The following TAFA2 variants were observed in gnomAD, a reference collection of about 807,000 sequenced individuals.
TAFA2 encodes TAFA chemokine like family member 2.
Under a neutral mutation model 18.8 loss-of-function variants are expected in TAFA2, and 7 were observed. That is an observed-to-expected ratio of 0.37 (90% confidence interval 0.21 to 0.70). The LOEUF (loss-of-function observed/expected upper bound fraction) is 0.70, where lower values mean the gene tolerates loss of function less well. TAFA2 is among the 30% of genes least tolerant of loss of function. TAFA2 has a pLI of 0.53. For synonymous variants in TAFA2, 60 were observed against 54.2 expected (o/e 1.11, Z -0.47); for missense variants, 122 against 158.1 (o/e 0.77, Z 1.23).
intron 1 of TAFA2, among the ~76,000 whole-genome samples, chr12:62,108,894 G>A (rs1869591880): frequency 6.6e-6 from 1 of 152,060 alleles, no homozygotes; most frequent in Non-Finnish European, 1.5e-5. Context: ...TTGTCAGATG[G>A]AAAGATTGCA....
intron 1 of TAFA2, among the ~76,000 whole-genome samples, chr12:62,244,163 G>GA (rs900659530): frequency 1.2e-4 from 16 of 133,434 alleles, no homozygotes; most frequent in African/African-American, 1.7e-4. Context: ...AAACTAAAAA[G>GA]AAAAAAAAAT....
chr12:62,109,961 AC>A (rs1196735622), intron 1 of TAFA2, among the ~76,000 whole-genome samples: 1 of 152,132 alleles, frequency 6.6e-6, no homozygotes, highest in Admixed American at 6.5e-5. Context: ...CTATTTGAAT[AC>A]CCTTTATTTC....
At chr12:62,093,123 C>T (rs181282990) in intron 1 of TAFA2, among the ~76,000 whole-genome samples, 56 of 152,074 alleles carry the variant, frequency 3.7e-4, no homozygotes, top group Admixed American at 1.7e-3. Flanking sequence ...GAGAACTTGG[C>T]TGTTATAAAT....
In TAFA2 at chr12:62,212,855, C is replaced by T. The variant is rs375003871; in HGVS notation, c.-130+45908G>A. On this transcript the variant is annotated intron_variant, in intron 1 of 5. Coordinates refer to the TAFA2 transcript ENST00000551619. ...GCATTAATGAGAGCAAAAAATACAC[C>T]TAACCACATGAATCCAAAAGATATA... is the stretch of plus-strand genomic sequence containing the variant. 5.9e-5 allele frequency among the ~76,000 whole-genome samples: 9 copies of T among 152,150 alleles called. No individual in the cohort carries two copies. In the South Asian group the frequency reaches 1.9e-3, roughly 32 times the overall value.
intron 2 of TAFA2, among the ~76,000 whole-genome samples, chr12:61,821,166 A>ACACACAC (rs1313957044): frequency 8.3e-6 from 1 of 120,572 alleles, no homozygotes; most frequent in African/African-American, 3.2e-5. Context: ...CACACACACA[A>ACACACAC]TTATTTGGAG....
intron 1 of TAFA2, chr12:62,242,479 T>C (rs2062867206): frequency 6.5e-6 from 1 of 153,036 alleles, no homozygotes; most frequent in African/African-American, 2.4e-5. Flanking sequence ...CTGTCACCCA[T>C]GCTGGACCAC....
At chr12:62,194,498 T>C (rs777851882), upstream of TAFA2, among the ~76,000 whole-genome samples, 5 of 152,290 alleles carry the variant, frequency 3.3e-5, no homozygotes, top group East Asian at 1.9e-4. Context: ...TTTTACAATA[T>C]ATGAAAAAGT....
chr12:61,887,299 G>T (rs1267290881), intron 1 of TAFA2, among the ~76,000 whole-genome samples: 1 of 152,160 alleles, frequency 6.6e-6, no homozygotes, highest in Non-Finnish European at 1.5e-5. Flanking sequence ...TACCTACATT[G>T]AAGTTTTTTA....
chr12:61,861,306 G>C (rs1236998225), intron 2 of TAFA2, among the ~76,000 whole-genome samples: 2 of 148,934 alleles, frequency 1.3e-5, no homozygotes, highest in African/African-American at 5.0e-5. Context: ...CTGTCACTCA[G>C]GCTGGAGTGC....
At chr12:62,172,736 T>C (rs2062486730) in intron 1 of TAFA2, among the ~76,000 whole-genome samples, 3 of 152,180 alleles carry the variant, frequency 2.0e-5, no homozygotes, top group African/African-American at 7.2e-5. Context: ...AATTGCACAC[T>C]GAAAGCTAAA....
At chr12:62,202,697 C>A (rs985449086) in intron 1 of TAFA2, among the ~76,000 whole-genome samples, 5 of 151,960 alleles carry the variant, frequency 3.3e-5, no homozygotes, top group Admixed American at 6.6e-5. Context: ...TCCCAGAGAT[C>A]CTGGTACTTT....
intron 1 of TAFA2, among the ~76,000 whole-genome samples, chr12:62,186,555 C>T (rs2062587064): frequency 1.3e-5 from 2 of 151,956 alleles, no homozygotes; most frequent in Non-Finnish European, 2.9e-5. Context: ...CATAAAGCTA[C>T]GTTTAAAAGA....
intron 2 of TAFA2, among the ~76,000 whole-genome samples, chr12:61,761,904 CT>C (rs1869565700): frequency 1.3e-5 from 2 of 151,986 alleles, no homozygotes; most frequent in Non-Finnish European, 2.9e-5. Flanking sequence ...GGGGCAGTTC[CT>C]AATGGATTAG....
intron 2 of TAFA2, among the ~76,000 whole-genome samples, chr12:61,822,279 C>A (rs888178052): frequency 6.6e-6 from 1 of 151,960 alleles, no homozygotes; most frequent in East Asian, 1.9e-4. Context: ...ACCTGAGCAC[C>A]GCAGGTTCAA....
chr12:61,806,990 GA>G (rs1197831416), intron 2 of TAFA2, among the ~76,000 whole-genome samples: 1 of 152,180 alleles, frequency 6.6e-6, no homozygotes, highest in Admixed American at 6.5e-5. Flanking sequence ...CGATAGAAAA[GA>G]AAATCCCATT....
chr12:62,097,930 T>C (rs1869019243), intron 1 of TAFA2, among the ~76,000 whole-genome samples: 1 of 152,150 alleles, frequency 6.6e-6, no homozygotes, highest in African/African-American at 2.4e-5. Context: ...TGTCTTAAGC[T>C]TGTGAAGCTG....
rs556047365 is a variant in TAFA2 at position 61,920,185 on chromosome 12, T to C, written c.-1-52759A>G. Among the ~76,000 whole-genome samples, 8 of 152,292 alleles carry C rather than the reference T, an allele frequency of 5.3e-5. No homozygotes were observed. In the East Asian group the frequency reaches 1.2e-3, roughly 22 times the overall value. On this transcript the variant is annotated intron_variant, in intron 1 of 4. Coordinates refer to ENST00000416284, the MANE Select transcript of TAFA2 (RefSeq NM_178539.5). ...TGTGAAAGAATATTCACTTCTTCAA[T>C]TGACAGTTAAATAAATCATAAATAA...
At chr12:61,798,387 T>A (rs1348243537) in intron 2 of TAFA2, among the ~76,000 whole-genome samples, 2 of 152,178 alleles carry the variant, frequency 1.3e-5, no homozygotes, top group African/African-American at 4.8e-5. Context: ...TGCAGATTTG[T>A]TACATAGGTA....
rs942547007 is a variant in TAFA2 at position 62,235,066 on chromosome 12, C to T, written c.-130+23697G>A. ...ACTGGAATTCCAGTGGAAGCTGAGACTGGCAGCCTGAAGGCCCTGGCCACC... is the reference window on the plus strand; with the variant it reads ...ACTGGAATTCCAGTGGAAGCTGAGATTGGCAGCCTGAAGGCCCTGGCCACC... On this transcript the variant is annotated intron_variant, in intron 1 of 5. Coordinates refer to the TAFA2 transcript ENST00000551619. 10 of 624,576 alleles carry T rather than the reference C, an allele frequency of 1.6e-5. No individual in the cohort carries two copies. The African/African-American group carries it at 1.6e-4, about 10-fold the overall frequency. The allele number at this position is 624,576 out of a possible 1,614,324, so 38.7% of individuals were successfully genotyped here. A position where few individuals can be genotyped will look rare whatever the true frequency, so the allele number is the denominator to read the frequency against.
Sources: allele counts gnomAD v4.1 joint callset (sites outside exome capture counted in the v4.1 genomes callset), GRCh38; gene constraint gnomAD v4.1.1; transcripts MANE v1.5; gene names NCBI Gene and HGNC (gene_info 2026-07-23, HGNC 2026-07-21).